The following CDH19 variants were observed in gnomAD, a reference collection of about 807,000 sequenced individuals.
CDH19 encodes cadherin-19.
Under a neutral mutation model 64.2 loss-of-function variants are expected in CDH19, and 67 were observed. The observed-to-expected ratio is 1.04, with a 90% CI of 0.86 to 1.28. CDH19 has a LOEUF of 1.28. Ranked by LOEUF, CDH19 falls within the 50% of genes most tolerant of loss-of-function variation. The probability of loss-of-function intolerance (pLI) is 0.00; values close to 1 mark genes in which losing one functional copy is unlikely to be tolerated. For synonymous variants in CDH19, 346 were observed against 319.3 expected (o/e 1.08, Z -0.89); for missense variants, 1,030 against 929.0 (o/e 1.11, Z -1.41).
chr18:66,562,563 A>G (rs1244766992), intron 3 of CDH19, among the ~76,000 whole-genome samples: 1 of 152,018 alleles, frequency 6.6e-6, no homozygotes, highest in Non-Finnish European at 1.5e-5. Context: ...GCCACAGACA[A>G]GCACCAGTCT....
chr18:66,566,067 C>G (rs1409094943), intron 3 of CDH19, among the ~76,000 whole-genome samples: 3 of 151,856 alleles, frequency 2.0e-5, no homozygotes, highest in African/African-American at 7.2e-5. Flanking sequence ...ACCATGATAC[C>G]AATAATTCTC....
At chr18:66,584,536 T>C (rs1988519312) in intron 1 of CDH19, among the ~76,000 whole-genome samples, 1 of 152,038 alleles carries the variant, frequency 6.6e-6, no homozygotes, top group Admixed American at 6.6e-5. Flanking sequence ...TACAAATAAT[T>C]CTATCATAAT....
rs1039297084 is a variant in CDH19, at chr18:66,509,052, T to A, written c.1771A>T (p.Met591Leu). 2 of 1,612,994 alleles carry A rather than the reference T, an allele frequency of 1.2e-6. No individual in the cohort carries two copies. Among genetic ancestry groups the A allele is most frequent in the Non-Finnish European group, 1.7e-6 (2 of 1,179,334 alleles). The change falls in exon 11 of 12, where the codon ATG (methionine) becomes TTG (leucine). Residue 591 changes from methionine to leucine, a missense_variant. By Grantham distance (15) the Met-to-Leu change is conservative. Transcript: ENST00000262150. The stretch of plus-strand genomic sequence containing the variant: ...ATGATGACTTCTGTCTTGAATCCCA[T>A]GGAAAGCACAAGCTCCTGGTACTGG... ...TCQYQELVLS[M>L]GFKTEVIIAI...
intron 1 of CDH19, among the ~76,000 whole-genome samples, chr18:66,584,975 T>C (rs1166444508): frequency 6.6e-6 from 1 of 152,014 alleles, no homozygotes; most frequent in Non-Finnish European, 1.5e-5. Context: ...TCATGTACAA[T>C]TAAAAAGCAC....
chr18:66,523,437 G>A (rs901334323), intron 9 of CDH19, among the ~76,000 whole-genome samples: 1 of 152,228 alleles, frequency 6.6e-6, no homozygotes, highest in East Asian at 1.9e-4. Context: ...AGGTGCAGCT[G>A]CAGCATACCC....
chr18:66,576,414 C>T (rs1271335860), intron 1 of CDH19, among the ~76,000 whole-genome samples: 1 of 151,030 alleles, frequency 6.6e-6, no homozygotes, highest in African/African-American at 2.4e-5. Context: ...GATTTTGGGA[C>T]AAAGAATATT....
rs1331754384 is a variant in CDH19, at chr18:66,524,568, AT to A, written c.1458+5276del. Among the ~76,000 whole-genome samples, 10 of 143,448 alleles carry A rather than the reference AT, an allele frequency of 7.0e-5. No individual in the cohort carries two copies. The East Asian group carries it at 8.1e-4, about 12-fold the overall frequency. The allele number at this position is 143,448 out of a possible 152,430, so 94.1% of individuals were successfully genotyped here. A position where few individuals can be genotyped will look rare whatever the true frequency, so the allele number is the denominator to read the frequency against. On this transcript the variant is annotated intron_variant, in intron 9 of 11. Transcript: ENST00000262150. ...TATATATATATATATATATATATAT[AT>A]AAACATCATCATGCACCATAAATAT...
At chr18:66,535,659 G>T (rs1986635157) in intron 7 of CDH19, among the ~76,000 whole-genome samples, 1 of 144,836 alleles carries the variant, frequency 6.9e-6, no homozygotes, top group Non-Finnish European at 1.5e-5. Context: ...CATTATATAT[G>T]ATATATATTT....
At chr18:66,554,383 T>C in intron 4 of CDH19, 22 bp downstream of exon 4, 2 of 1,609,340 alleles carry the variant, frequency 1.2e-6, no homozygotes, top group Non-Finnish European at 1.7e-6. Context: ...TGTTAAACTT[T>C]GCTTGTTTCA....
intron 3 of CDH19, among the ~76,000 whole-genome samples, chr18:66,565,893 T>C (rs915130333): frequency 6.6e-6 from 1 of 151,996 alleles, no homozygotes; most frequent in African/African-American, 2.4e-5. Flanking sequence ...GCCTGGACCC[T>C]AACTGGCACT....
At chr18:66,535,302 C>A (rs1247060073) in intron 7 of CDH19, among the ~76,000 whole-genome samples, 195 bp from the exon 8 acceptor site, 1 of 151,522 alleles carries the variant, frequency 6.6e-6, no homozygotes, top group Non-Finnish European at 1.5e-5. Flanking sequence ...AAAGACGTAA[C>A]ATGACTTTAG....
At chr18:66,580,026 AG>A (rs1326811296) in intron 1 of CDH19, among the ~76,000 whole-genome samples, 1 of 152,042 alleles carries the variant, frequency 6.6e-6, no homozygotes, top group African/African-American at 2.4e-5. Context: ...TCGGGTCACG[AG>A]TATTTGGATA....
intron 9 of CDH19, among the ~76,000 whole-genome samples, chr18:66,513,749 A>G (rs1004293515): frequency 4.0e-5 from 6 of 151,548 alleles, no homozygotes; most frequent in African/African-American, 1.4e-4. Flanking sequence ...GTAAAGATAA[A>G]TTAAAAGGTA....
At chr18:66,544,311 G>A in intron 6 of CDH19, 87 bp from the exon 7 acceptor site, 1 of 1,254,178 alleles carries the variant, frequency 8.0e-7, no homozygotes, top group East Asian at 2.4e-5. Context: ...GTTAAATTAA[G>A]TCTCAGTGGC....
chr18:66,539,897 CGT>C (rs758208589), intron 7 of CDH19, among the ~76,000 whole-genome samples: 4 of 150,802 alleles, frequency 2.7e-5, no homozygotes, highest in Non-Finnish European at 3.0e-5. Context: ...TAAATGTATA[CGT>C]GTGTGTGTGT....
intron 1 of CDH19, among the ~76,000 whole-genome samples, chr18:66,595,574 G>T (rs539286449): frequency 1.5e-5 from 2 of 131,960 alleles, no homozygotes; most frequent in East Asian, 4.4e-4. Flanking sequence ...AAACCTAGAA[G>T]ACATTGATAA....
chr18:66,571,667 A>T (rs1354882058), intron 2 of CDH19, among the ~76,000 whole-genome samples: 2 of 151,678 alleles, frequency 1.3e-5, no homozygotes, highest in Admixed American at 1.3e-4. Flanking sequence ...TTAGCGTAAC[A>T]GAAAATCGGG....
At chr18:66,541,733 GT>G (rs1202762274) in intron 7 of CDH19, among the ~76,000 whole-genome samples, 2 of 152,056 alleles carry the variant, frequency 1.3e-5, no homozygotes, top group African/African-American at 2.4e-5. Flanking sequence ...ATTAAAACGT[GT>G]TTTTTGATGG....
chr18:66,586,547 G>GA lies in CDH19; in HGVS notation c.-112-14232dup, dbSNP rs879312472. ...AATTTGAGAGATTCTTTATAAAAAG[G>GA]AAAAAAAAAAGAAGGAAGCCACAAA... On this transcript the variant is annotated intron_variant, in intron 1 of 11. Coordinates refer to ENST00000262150, the MANE Select transcript of CDH19 (RefSeq NM_021153.4). Among the ~76,000 whole-genome samples, 331 of 145,628 alleles carry GA rather than the reference G, an allele frequency of 2.3e-3. 1 individual carries two copies. The highest frequency in any genetic ancestry group is 6.1e-3 in the African/African-American group (244 of 39,888).
Sources: allele counts gnomAD v4.1 joint callset (sites outside exome capture counted in the v4.1 genomes callset), GRCh38; gene constraint gnomAD v4.1.1; transcripts MANE v1.5; gene names NCBI Gene and HGNC (gene_info 2026-07-23, HGNC 2026-07-21).